Variants in ELAPOR1 observed in about 807,000 individuals in gnomAD.
ELAPOR1 encodes endosome/lysosome-associated apoptosis and autophagy regulator 1.
A neutral mutation model predicts 119.7 loss-of-function variants in ELAPOR1; 77 were observed. The ratio of observed to expected loss-of-function variants is 0.64; its 90% CI spans 0.54 to 0.78. ELAPOR1 has a LOEUF of 0.78. Among genes scored for constraint, ELAPOR1 ranks in the 30% least tolerant of loss-of-function variants. The pLI, the probability that ELAPOR1 is intolerant of heterozygous loss-of-function variation, is 0.00. For missense variants in ELAPOR1, 1,115 were observed against 1,270.4 expected, an observed-to-expected ratio of 0.88 and a Z score of 1.86; for synonymous variants, 481 against 487.2, an observed-to-expected ratio of 0.99 and a Z score of 0.17.
At chr1:109,130,167 GACTA>G (rs1390077328) in intron 1 of ELAPOR1, among the ~76,000 whole-genome samples, 3 of 152,166 alleles carry the variant, frequency 2.0e-5, no homozygotes, top group South Asian at 2.1e-4. Flanking sequence ...ACTTCATCTT[GACTA>G]ACTATATCTG....
chr1:109,131,981 A>G (rs1649176955), intron 1 of ELAPOR1, among the ~76,000 whole-genome samples: 1 of 152,166 alleles, frequency 6.6e-6, no homozygotes, highest in Non-Finnish European at 1.5e-5. Flanking sequence ...TGGTAAGGAG[A>G]AAGATTAGAC....
chr1:109,131,258 CAG>C (rs1175420609), intron 1 of ELAPOR1, among the ~76,000 whole-genome samples: 72 of 152,268 alleles, frequency 4.7e-4, no homozygotes, highest in Non-Finnish European at 5.9e-5. Flanking sequence ...AGCAGGTAAT[CAG>C]AGAGAGAGCA....
chr1:109,195,668 G>A (rs1308902834), intron 15 of ELAPOR1, among the ~76,000 whole-genome samples: 1 of 152,078 alleles, frequency 6.6e-6, no homozygotes, highest in Admixed American at 6.5e-5. Context: ...TCATCCACAC[G>A]TCTCTTTGCT....
At chr1:109,192,400 T>C (rs1181607627) in intron 13 of ELAPOR1, among the ~76,000 whole-genome samples, 4 of 152,196 alleles carry the variant, frequency 2.6e-5, no homozygotes, top group Admixed American at 2.6e-4. Flanking sequence ...AACATTTTTA[T>C]ATGTCCTATA....
chr1:109,131,040 G>A (rs1188969086), intron 1 of ELAPOR1, among the ~76,000 whole-genome samples: 3 of 152,178 alleles, frequency 2.0e-5, no homozygotes, highest in Non-Finnish European at 2.9e-5. Flanking sequence ...CAGTTTAGCT[G>A]GGTGATTCTG....
rs147272114 is a variant in ELAPOR1, at chr1:109,190,885, T to C, written c.1440-481T>C. ...TGGAGAGACAGCTGCTGAGTAAATG[T>C]CAACAATTTACAGTCTTATGATAGA... On this transcript the variant is annotated intron_variant, in intron 11 of 21. Transcript: ENST00000369939. Among the ~76,000 whole-genome samples the C allele has an allele frequency of 3.9e-3, 591 of 152,228 alleles. 5 individuals carry two copies. The highest frequency in any genetic ancestry group is 0.014 in the African/African-American group (569 of 41,540).
At chr1:109,129,481 C>T (rs1649005571) in intron 1 of ELAPOR1, among the ~76,000 whole-genome samples, 1 of 152,196 alleles carries the variant, frequency 6.6e-6, no homozygotes, top group Non-Finnish European at 1.5e-5. Flanking sequence ...CATTGCCCTC[C>T]AGCCTGGGCG....
intron 1 of ELAPOR1, among the ~76,000 whole-genome samples, chr1:109,146,204 C>A (rs1408888446): frequency 1.3e-5 from 2 of 151,994 alleles, no homozygotes; most frequent in Non-Finnish European, 2.9e-5. Flanking sequence ...CCTATAGTCC[C>A]AGCTACTGAG....
intron 3 of ELAPOR1, among the ~76,000 whole-genome samples, chr1:109,165,658 T>C (rs1651551526): frequency 6.6e-6 from 1 of 150,912 alleles, no homozygotes; most frequent in Non-Finnish European, 1.5e-5. Flanking sequence ...GAATTTCAGA[T>C]CAGCCAATAT....
At chr1:109,146,220 T>C (rs1021661772) in intron 1 of ELAPOR1, among the ~76,000 whole-genome samples, 1 of 151,900 alleles carries the variant, frequency 6.6e-6, no homozygotes, top group Non-Finnish European at 1.5e-5. Context: ...CTGAGGAGGC[T>C]GAGATGAAGA....
intron 1 of ELAPOR1, among the ~76,000 whole-genome samples, chr1:109,129,953 T>C (rs1467554403): frequency 1.3e-5 from 2 of 152,114 alleles, no homozygotes; most frequent in Non-Finnish European, 2.9e-5. Flanking sequence ...AGCAGGGCCA[T>C]GCACCCTCTG....
intron 1 of ELAPOR1, among the ~76,000 whole-genome samples, chr1:109,159,132 G>A (rs1170607080): frequency 6.6e-6 from 1 of 152,068 alleles, no homozygotes; most frequent in Non-Finnish European, 1.5e-5. Context: ...GACCTCAGGT[G>A]ATCCACCCAC....
intron 1 of ELAPOR1, among the ~76,000 whole-genome samples, chr1:109,122,945 T>C (rs1214255493): frequency 6.6e-6 from 1 of 152,088 alleles, no homozygotes; most frequent in East Asian, 1.9e-4. Flanking sequence ...ACAAAAAAGG[T>C]AGGGGGATCT....
At chr1:109,171,450 G>C (rs962226095) in intron 3 of ELAPOR1, among the ~76,000 whole-genome samples, 1 of 152,050 alleles carries the variant, frequency 6.6e-6, no homozygotes, top group Non-Finnish European at 1.5e-5. Flanking sequence ...TACTCGGGAG[G>C]CTGAGACAGG....
intron 1 of ELAPOR1, among the ~76,000 whole-genome samples, chr1:109,139,261 G>A (rs1649679888): frequency 6.6e-6 from 1 of 151,836 alleles, no homozygotes; most frequent in Non-Finnish European, 1.5e-5. Context: ...GAGTTGGGAG[G>A]ATTGCTTGGG....
intron 1 of ELAPOR1, among the ~76,000 whole-genome samples, chr1:109,141,855 G>C (rs1290065758): frequency 6.6e-6 from 1 of 151,790 alleles, no homozygotes; most frequent in Non-Finnish European, 1.5e-5. Flanking sequence ...TCTAGAGATG[G>C]GGTTTTGCCA....
chr1:109,199,922 C>T lies in ELAPOR1; in HGVS notation c.2570C>T (p.Pro857Leu), dbSNP rs748944596. 21 of 1,613,902 alleles carry T rather than the reference C, an allele frequency of 1.3e-5. No homozygotes were observed. The highest frequency in any genetic ancestry group is 1.7e-5 in the Non-Finnish European group (20 of 1,180,042). Reference protein sequence around the residue: ...HFLWESAAACPLCSVADYHAI... With the variant: ...HFLWESAAACLLCSVADYHAI... ...CTGTGGGAGAGCGCGGCTGCTTGCC[C>T]GCTCTGCTCAGTGGCTGACTACCAT... is the stretch of plus-strand genomic sequence containing the variant. The change falls in exon 19 of 22, where the codon CCG (proline) becomes CTG (leucine). Residue 857 changes from proline (P) to leucine (L), a missense_variant. Physicochemically the swap from Pro to Leu is moderately conservative, Grantham distance 98. Coordinates refer to ENST00000369939, the MANE Select transcript of ELAPOR1 (RefSeq NM_020775.5).
chr1:109,130,852 T>C (rs1473393045), intron 1 of ELAPOR1, among the ~76,000 whole-genome samples: 1 of 152,190 alleles, frequency 6.6e-6, no homozygotes, highest in African/African-American at 2.4e-5. Flanking sequence ...CATTTATTAA[T>C]ATTAGCTGGA....
chr1:109,144,557 A>G (rs71655989), intron 1 of ELAPOR1, among the ~76,000 whole-genome samples: 7,484 of 152,148 alleles, frequency 0.049, 243 homozygotes, highest in Non-Finnish European at 0.078. Context: ...CTTGCCCAAC[A>G]TGGCGAAACC....
Sources: gnomAD v4.1 joint callset for allele counts (sites outside exome capture counted in the v4.1 genomes callset) on GRCh38, gnomAD v4.1.1 for gene constraint, MANE v1.5 for transcripts, NCBI Gene and HGNC (gene_info 2026-07-23, HGNC 2026-07-21) for gene names.